The following PARD3B variants were observed in gnomAD, a reference collection of about 807,000 sequenced individuals.
PARD3B encodes partitioning defective 3 homolog B.
PARD3B carries 103 observed loss-of-function variants against 130.2 expected under a neutral mutation model. The ratio of observed to expected loss-of-function variants is 0.79; its 90% confidence interval spans 0.67 to 0.93. The LOEUF is 0.93. Among genes scored for constraint, PARD3B ranks in the 40% least tolerant of loss-of-function variants. The pLI is 0.00. For synonymous variants in PARD3B, 583 were observed against 553.2 expected (o/e 1.05, Z -0.76); for missense variants, 1,609 against 1,499.2 (o/e 1.07, Z -1.21).
intron 3 of PARD3B, among the ~76,000 whole-genome samples, chr2:205,013,033 C>T (rs755579000): frequency 6.6e-5 from 10 of 152,212 alleles, no homozygotes; most frequent in East Asian, 1.9e-4. Flanking sequence ...TTAAAATCTA[C>T]GTAGCGTTTC....
At chr2:205,004,697 C>A (rs1695111757) in intron 3 of PARD3B, among the ~76,000 whole-genome samples, 1 of 152,104 alleles carries the variant, frequency 6.6e-6, no homozygotes, top group Non-Finnish European at 1.5e-5. Flanking sequence ...ATACATGGGG[C>A]AAATAAATAT....
intron 20 of PARD3B, among the ~76,000 whole-genome samples, chr2:205,447,999 C>A (rs1387779927): frequency 1.4e-4 from 22 of 152,182 alleles, no homozygotes; most frequent in Admixed American, 1.4e-3. Flanking sequence ...CCTTCACTAA[C>A]AAACATTTAT....
rs568537767 is a variant in PARD3B, at chr2:205,415,299, C to G, written c.2741+14176C>G. Among the ~76,000 whole-genome samples, 280 of 152,258 alleles carry G rather than the reference C, an allele frequency of 1.8e-3. 2 individuals are homozygous for G. The highest frequency in any genetic ancestry group is 6.5e-3 in the African/African-American group (270 of 41,572). On this transcript the variant is annotated intron_variant, in intron 19 of 22. Coordinates refer to ENST00000406610, the MANE Select transcript of PARD3B (RefSeq NM_001302769.2). ...ATTTTCCTACTTTTGATAATCAATT[C>G]TGCTCCCAATAATTATAGATTTACC...
At chr2:204,996,861 C>G (rs1694249334) in intron 3 of PARD3B, among the ~76,000 whole-genome samples, 1 of 147,834 alleles carries the variant, frequency 6.8e-6, no homozygotes, top group Admixed American at 6.8e-5. Context: ...CGTCCGTCAC[C>G]CCTTTCTTTG....
chr2:204,902,416 T>A (rs1312331758), intron 2 of PARD3B, among the ~76,000 whole-genome samples: 2 of 152,132 alleles, frequency 1.3e-5, no homozygotes, highest in Non-Finnish European at 1.5e-5. Flanking sequence ...AGGCCTGTTA[T>A]CCCAGCACTT....
chr2:205,409,988 A>AT (rs1391544732), intron 19 of PARD3B, among the ~76,000 whole-genome samples: 1 of 152,134 alleles, frequency 6.6e-6, no homozygotes, highest in African/African-American at 2.4e-5. Flanking sequence ...GTAATCCATA[A>AT]TTTTTTTGTA....
intron 3 of PARD3B, among the ~76,000 whole-genome samples, chr2:204,976,047 T>C (rs1559317507): frequency 6.6e-6 from 1 of 152,344 alleles, no homozygotes; most frequent in South Asian, 2.1e-4. Context: ...ATTCTGACTT[T>C]ATAATAAGGT....
At chr2:205,028,777 G>A (rs1335175904) in intron 3 of PARD3B, among the ~76,000 whole-genome samples, 3 of 151,994 alleles carry the variant, frequency 2.0e-5, no homozygotes, top group African/African-American at 7.2e-5. Context: ...AAAACCCTAA[G>A]GAAAACCCAA....
Position 204,743,544 on chromosome 2 carries a change from T to C in PARD3B, c.222+57262T>C, listed in dbSNP as rs560028515. 6.0e-4 allele frequency among the ~76,000 whole-genome samples: 92 copies of C among 152,304 alleles called. 2 individuals are homozygous for C. In the South Asian group the frequency reaches 0.018, roughly 29 times the overall value. ...TGTGAAGAGAAAAGAAACAAACTTATTTTATTGCTTTAATGGCGTTGTAAA... is the reference window on the plus strand; with the variant it reads ...TGTGAAGAGAAAAGAAACAAACTTACTTTATTGCTTTAATGGCGTTGTAAA... On this transcript the variant is annotated intron_variant, in intron 2 of 22. Transcript: ENST00000406610.
chr2:204,766,970 T>TC (rs1285063349), intron 2 of PARD3B, among the ~76,000 whole-genome samples: 7 of 139,752 alleles, frequency 5.0e-5, no homozygotes, highest in East Asian at 4.3e-4. Context: ...TTTTTCTTTT[T>TC]TTTTTTTTTT....
intron 3 of PARD3B, among the ~76,000 whole-genome samples, chr2:205,017,098 A>G (rs926420472): frequency 6.6e-6 from 1 of 152,144 alleles, no homozygotes; most frequent in African/African-American, 2.4e-5. Context: ...TTATGGTTTG[A>G]CGAAAAACAT....
At chr2:205,210,751 T>C (rs2037584817) in intron 15 of PARD3B, among the ~76,000 whole-genome samples, 1 of 152,090 alleles carries the variant, frequency 6.6e-6, no homozygotes, top group East Asian at 1.9e-4. Flanking sequence ...TGTTATAGGC[T>C]TAAAAAGGTT....
In PARD3B at chr2:205,351,532, G is replaced by A. The variant is rs1432106129; in HGVS notation, c.2631-49481G>A. Reference sequence around the variant, plus strand: ...GCTGGAGTGAGAGGCGAGGAAGAAAGCCACAGCCAAGACTTGGGAGATTTC... The same window carrying A: ...GCTGGAGTGAGAGGCGAGGAAGAAAACCACAGCCAAGACTTGGGAGATTTC... On this transcript the variant is annotated intron_variant, in intron 18 of 22. Coordinates refer to ENST00000406610, the MANE Select transcript of PARD3B (RefSeq NM_001302769.2). The surrounding 1 kb of genome is among the most constrained non-coding windows in gnomAD (Gnocchi z 4.2). Among the ~76,000 whole-genome samples the A allele has an allele frequency of 6.6e-6, 1 of 152,154 alleles. No individual in the cohort carries two copies.
intron 1 of PARD3B, among the ~76,000 whole-genome samples, chr2:204,603,575 A>G (rs913532334): frequency 5.3e-5 from 8 of 152,126 alleles, no homozygotes; most frequent in Admixed American, 4.6e-4. Context: ...AGATCATAAC[A>G]TAGGACATTT....
rs151011998 is a variant in PARD3B, at chr2:204,553,333, T to C, written c.120+7214T>C. Among the ~76,000 whole-genome samples, 845 of 151,764 alleles carry C rather than the reference T, an allele frequency of 5.6e-3. 7 individuals are homozygous for C. Among genetic ancestry groups the C allele is most frequent in the African/African-American group, 0.02 (816 of 41,396 alleles). ...AAACTAGTACAACCACTATGAAAAA[T>C]AGTGTGGAGGTTCCTTAAAGAACTA... On this transcript the variant is annotated intron_variant, in intron 1 of 22. Transcript: ENST00000406610.
Position 205,352,526 on chromosome 2 carries a change from G to A in PARD3B, c.2631-48487G>A, listed in dbSNP as rs1384576665. Among the ~76,000 whole-genome samples the A allele has an allele frequency of 6.6e-6, 1 of 152,172 alleles. No individual in the cohort carries two copies. Among genetic ancestry groups the A allele is most frequent in the Non-Finnish European group, 1.5e-5 (1 of 68,016 alleles). On this transcript the variant is annotated intron_variant, in intron 18 of 22. Coordinates refer to ENST00000406610, the MANE Select transcript of PARD3B (RefSeq NM_001302769.2). The surrounding 1 kb of genome is among the most constrained non-coding windows in gnomAD (Gnocchi z 5.2). The stretch of plus-strand genomic sequence containing the variant: ...ATTCGGTTGATTAATACCTATAGGA[G>A]AAGAGACTATTTGCTTTGATTTACA...
At chr2:204,575,928 G>C (rs933426398) in intron 1 of PARD3B, among the ~76,000 whole-genome samples, 2 of 152,170 alleles carry the variant, frequency 1.3e-5, no homozygotes, top group African/African-American at 4.8e-5. Flanking sequence ...TCTTGCCCTT[G>C]CTATGGGGAG....
chr2:205,517,223 T>TTTG (rs758535827), intron 21 of PARD3B, among the ~76,000 whole-genome samples: 1 of 152,146 alleles, frequency 6.6e-6, no homozygotes, highest in Admixed American at 6.6e-5. Context: ...GGCTTTAAGC[T>TTTG]TTGTTGTTGT....
chr2:205,170,791 T>TTC (rs1553630973), intron 11 of PARD3B, among the ~76,000 whole-genome samples: 3 of 150,846 alleles, frequency 2.0e-5, no homozygotes, highest in African/African-American at 2.4e-5. Flanking sequence ...CTTTTTTTTT[T>TTC]CTTTTACTTT....
Sources: allele counts gnomAD v4.1 joint callset (sites outside exome capture counted in the v4.1 genomes callset), GRCh38; gene constraint gnomAD v4.1.1; non-coding constraint Gnocchi (gnomAD v3.1); transcripts MANE v1.5; gene names NCBI Gene and HGNC (gene_info 2026-07-23, HGNC 2026-07-21).